The following SPATA13 variants were observed in gnomAD, a reference collection of about 807,000 sequenced individuals.
SPATA13 encodes the protein spermatogenesis-associated protein 13.
SPATA13 carries 50 observed loss-of-function variants against 104.0 expected under a neutral mutation model. That is an observed-to-expected ratio of 0.48 (90% CI 0.38 to 0.61). SPATA13 has a LOEUF of 0.61. SPATA13 is among the 20% of genes least tolerant of loss of function. The pLI is 0.00. For missense variants in SPATA13, 1,524 were observed against 1,690.6 expected (o/e 0.90, Z 1.73); for synonymous variants, 606 against 667.5 (o/e 0.91, Z 1.42).
At position 24,286,153 on chromosome 13, in the gene SPATA13, C is replaced by T; in HGVS notation, c.2302-61C>T. On this transcript the variant is annotated intron_variant, in intron 5 of 12. Coordinates refer to ENST00000382108, the MANE Select transcript of SPATA13 (RefSeq NM_001166271.3). The surrounding 1 kb of genome is among the most constrained non-coding windows in gnomAD (Gnocchi z 4.9). ...CACCCTGAGAGAGTGCACCTAGTGGCTCCCTCACCATCCCGCCCACTCGTG... is the reference window on the plus strand; with the variant it reads ...CACCCTGAGAGAGTGCACCTAGTGGTTCCCTCACCATCCCGCCCACTCGTG... The T allele has an allele frequency of 6.7e-7, 1 of 1,495,896 alleles. No homozygotes were observed. Among genetic ancestry groups the T allele is most frequent in the Admixed American group, 2.0e-5 (1 of 49,956 alleles). The allele number at this position is 1,495,896 out of a possible 1,614,324, so 92.7% of individuals were successfully genotyped here. A position where few individuals can be genotyped will look rare whatever the true frequency, so the allele number is the denominator to read the frequency against.
intron 2 of SPATA13, among the ~76,000 whole-genome samples, chr13:24,235,530 C>A (rs966989362): frequency 6.6e-6 from 1 of 152,176 alleles, no homozygotes; most frequent in Non-Finnish European, 1.5e-5. Flanking sequence ...GAGGTCAAGG[C>A]TGGAGGACCA....
chr13:24,149,089 G>C (rs868531545), intron 3 of SPATA13, among the ~76,000 whole-genome samples: 17 of 152,218 alleles, frequency 1.1e-4, no homozygotes, highest in African/African-American at 4.1e-4. Flanking sequence ...GTGGGCAAAA[G>C]GGGGGCAGGA....
chr13:24,075,040 T>G (rs1879282998), intron 3 of SPATA13, among the ~76,000 whole-genome samples: 1 of 152,246 alleles, frequency 6.6e-6, no homozygotes, highest in Admixed American at 6.5e-5. Context: ...GGAAAAACCC[T>G]TAGGCCAAGG....
At chr13:24,020,913 G>C (rs1265299463) in intron 3 of SPATA13, among the ~76,000 whole-genome samples, 1 of 152,104 alleles carries the variant, frequency 6.6e-6, no homozygotes, top group Non-Finnish European at 1.5e-5. Context: ...ATGGTGGTGG[G>C]TGCCTATAAT....
At chr13:24,058,034 A>G (rs1878629676) in intron 3 of SPATA13, among the ~76,000 whole-genome samples, 1 of 151,830 alleles carries the variant, frequency 6.6e-6, no homozygotes, top group Non-Finnish European at 1.5e-5. Flanking sequence ...TTCCTGCTTA[A>G]TACACCCAAC....
chr13:24,189,882 T>TATATTA lies in SPATA13; in HGVS notation c.-112+28950_-112+28951insATATTA, dbSNP rs1566140734. Among the ~76,000 whole-genome samples, 25 of 30,650 alleles carry TATATTA rather than the reference T, an allele frequency of 8.2e-4. 5 individuals carry two copies. Among genetic ancestry groups the TATATTA allele is most frequent in the South Asian group, 1.2e-3 (1 of 824 alleles). The allele number at this position is 30,650 out of a possible 152,430, so 20.1% of individuals were successfully genotyped here. On this transcript the variant is annotated intron_variant, in intron 1 of 12. Coordinates refer to ENST00000382108, the MANE Select transcript of SPATA13 (RefSeq NM_001166271.3). ...ATATCATATATAATATAATTATATA[T>TATATTA]CATAATATATATTATATAATTATAT... is the stretch of plus-strand genomic sequence containing the variant.
intron 1 of SPATA13, among the ~76,000 whole-genome samples, chr13:23,983,382 A>G (rs893858926): frequency 6.6e-6 from 1 of 152,210 alleles, no homozygotes; most frequent in East Asian, 1.9e-4. Flanking sequence ...ATATGACCTC[A>G]TTATACCTCA....
At position 24,190,293 on chromosome 13, in the gene SPATA13, T is replaced by TACATTATATACCATATGGTATATAA. The variant is rs1275200975; in HGVS notation, c.-112+29361_-112+29362insACATTATATACCATATGGTATATAA. On this transcript the variant is annotated intron_variant, in intron 1 of 12. Coordinates refer to ENST00000382108, the MANE Select transcript of SPATA13 (RefSeq NM_001166271.3). The stretch of plus-strand genomic sequence containing the variant: ...ATATTATTATATATAATATATAATA[T>TACATTATATACCATATGGTATATAA]TATATATTATTATATATAATATATA... Among the ~76,000 whole-genome samples the TACATTATATACCATATGGTATATAA allele has an allele frequency of 2.5e-4, 2 of 7,848 alleles. 1 individual carries two copies. The highest frequency in any genetic ancestry group is 9.0e-3 in the Non-Finnish European group (2 of 222). 5.1% of individuals were successfully genotyped at this position (7,848 alleles called of 152,430 possible).
At chr13:24,212,693 T>G (rs749045297) in intron 1 of SPATA13, among the ~76,000 whole-genome samples, 7 of 152,164 alleles carry the variant, frequency 4.6e-5, no homozygotes, top group African/African-American at 9.7e-5. Context: ...TTAAACACAG[T>G]TAAGTGGGTC....
At chr13:24,005,905 T>G (rs1054785535) in intron 2 of SPATA13, among the ~76,000 whole-genome samples, 1 of 152,344 alleles carries the variant, frequency 6.6e-6, no homozygotes, top group Admixed American at 6.5e-5. Flanking sequence ...CCCTTGACCT[T>G]TAGAGCTGAT....
intron 3 of SPATA13, among the ~76,000 whole-genome samples, chr13:24,052,182 C>T (rs1482001389): frequency 6.6e-6 from 1 of 152,166 alleles, no homozygotes; most frequent in Non-Finnish European, 1.5e-5. Flanking sequence ...TCGCAGGCCT[C>T]GGGCACAATT....
At chr13:24,079,289 C>T (rs1049206963) in intron 3 of SPATA13, among the ~76,000 whole-genome samples, 3 of 152,148 alleles carry the variant, frequency 2.0e-5, no homozygotes, top group African/African-American at 4.8e-5. Flanking sequence ...CGCTACGGTG[C>T]AGTTTTATTG....
chr13:24,190,290 A>T (rs568355172), intron 1 of SPATA13, among the ~76,000 whole-genome samples: 522 of 1,126 alleles, frequency 0.46, 180 homozygotes, highest in Admixed American at 0.53. Context: ...ATAATATATA[A>T]TATTATATAT....
intron 1 of SPATA13, among the ~76,000 whole-genome samples, chr13:24,174,872 C>A (rs1296657851): frequency 1.3e-5 from 2 of 152,222 alleles, no homozygotes; most frequent in African/African-American, 4.8e-5. Context: ...AGCCCCTGCA[C>A]CCAGCCTAAA....
chr13:24,171,256 T>C (rs1453967767), intron 1 of SPATA13, among the ~76,000 whole-genome samples: 1 of 152,148 alleles, frequency 6.6e-6, no homozygotes, highest in Non-Finnish European at 1.5e-5. Flanking sequence ...TGCCCATCAC[T>C]GCCTCATGTG....
chr13:24,135,449 G>A (rs1311820303), intron 3 of SPATA13, among the ~76,000 whole-genome samples: 3 of 152,128 alleles, frequency 2.0e-5, no homozygotes, highest in Non-Finnish European at 2.9e-5. Flanking sequence ...TGTAATCCCA[G>A]CATTTTGGGA....
chr13:24,126,818 G>C (rs1389313928), intron 3 of SPATA13, among the ~76,000 whole-genome samples: 4 of 152,116 alleles, frequency 2.6e-5, no homozygotes, highest in African/African-American at 9.7e-5. Flanking sequence ...TGGCCTGTCA[G>C]CTTGGGGATT....
At chr13:23,988,836 C>A (rs1294656872) in intron 2 of SPATA13, among the ~76,000 whole-genome samples, 1 of 152,130 alleles carries the variant, frequency 6.6e-6, no homozygotes, top group Non-Finnish European at 1.5e-5. Context: ...GGGTTTTTCT[C>A]CCCCCTCTTC....
intron 3 of SPATA13, among the ~76,000 whole-genome samples, chr13:24,251,257 G>A (rs1873461348): frequency 6.6e-6 from 1 of 152,184 alleles, no homozygotes; most frequent in African/African-American, 2.4e-5. Context: ...CTGTGTCGGT[G>A]GGGAGGAGTA....
Sources: allele counts gnomAD v4.1 joint callset (sites outside exome capture counted in the v4.1 genomes callset), GRCh38; gene constraint gnomAD v4.1.1; non-coding constraint Gnocchi (gnomAD v3.1); transcripts MANE v1.5; gene names NCBI Gene and HGNC (gene_info 2026-07-23, HGNC 2026-07-21).